TENM3: variants seen among roughly 807,000 people sequenced by gnomAD.
TENM3 encodes the protein teneurin transmembrane protein 3.
A neutral mutation model predicts 255.1 loss-of-function variants in TENM3; 63 were observed. The ratio of observed to expected loss-of-function variants is 0.25; its 90% confidence interval spans 0.20 to 0.30. The LOEUF (loss-of-function observed/expected upper bound fraction) is 0.30, where lower values mean the gene tolerates loss of function less well. TENM3 is among the 10% of genes least tolerant of loss of function. The pLI is 1.00. For synonymous variants in TENM3, 1,306 were observed against 1,322.3 expected, an observed-to-expected ratio of 0.99 and a Z score of 0.27; for missense variants, 2,929 against 3,461.1, an observed-to-expected ratio of 0.85 and a Z score of 3.86.
chr4:182,491,616 T>C (rs983361673), intron 3 of TENM3, among the ~76,000 whole-genome samples: 3 of 152,172 alleles, frequency 2.0e-5, no homozygotes, highest in Non-Finnish European at 4.4e-5. Context: ...TCTTGAAACA[T>C]GGTAGTGAAA....
At chr4:182,074,011 C>T in the TENM3 span, among the ~76,000 whole-genome samples, 32,186 of 152,078 alleles carry the variant, frequency 0.21, 3,979 homozygotes, top group East Asian at 0.29. Context: ...TCTGAATTTT[C>T]GATACTCAAT....
rs546693012 is a variant in TENM3 at position 182,550,739 on chromosome 4, A to AT, written c.512-50176dup. 9.9e-5 allele frequency among the ~76,000 whole-genome samples: 15 copies of AT among 151,282 alleles called. No individual in the cohort carries two copies. In the East Asian group the frequency reaches 2.5e-3, roughly 25 times the overall value. On this transcript the variant is annotated intron_variant, in intron 3 of 27. Transcript: ENST00000511685. Reference sequence around the variant, plus strand: ...TATGAGGTTAAAATAGAAGATGTCTATTTTTTTTTAACCTCAATACTTAAT... The same window carrying AT: ...TATGAGGTTAAAATAGAAGATGTCTATTTTTTTTTTAACCTCAATACTTAAT...
chr4:182,024,255 G>A, the TENM3 span, among the ~76,000 whole-genome samples: 1 of 152,090 alleles, frequency 6.6e-6, no homozygotes, highest in Non-Finnish European at 1.5e-5. Flanking sequence ...TTGTTTACAA[G>A]AAAGTGAAAA....
chr4:182,152,568 A>C (rs1173889495), intron 1 of TENM3, among the ~76,000 whole-genome samples: 5 of 151,970 alleles, frequency 3.3e-5, no homozygotes, highest in African/African-American at 9.6e-5. Flanking sequence ...AGAATATACA[A>C]TCTCTGAATG....
At chr4:181,696,291 C>T in the TENM3 span, among the ~76,000 whole-genome samples, 2 of 152,214 alleles carry the variant, frequency 1.3e-5, no homozygotes, top group East Asian at 3.9e-4. Flanking sequence ...GAAGGCAACA[C>T]GGCTTTCCAT....
the TENM3 span, among the ~76,000 whole-genome samples, chr4:181,760,113 A>T: frequency 6.6e-6 from 1 of 152,172 alleles, no homozygotes; most frequent in Non-Finnish European, 1.5e-5. Context: ...AACAAATTTC[A>T]AAACATAGAG....
chr4:182,715,993 C>T (rs1032745166), intron 13 of TENM3, among the ~76,000 whole-genome samples: 1 of 152,178 alleles, frequency 6.6e-6, no homozygotes, highest in African/African-American at 2.4e-5. Flanking sequence ...GTAGCCTTCA[C>T]AGCTTTTCCT....
At chr4:182,320,072 C>A (rs898754155) in intron 1 of TENM3, among the ~76,000 whole-genome samples, 1 of 151,616 alleles carries the variant, frequency 6.6e-6, no homozygotes, top group East Asian at 1.9e-4. Flanking sequence ...GAGATTGCAC[C>A]AGTGCAATCC....
intron 3 of TENM3, among the ~76,000 whole-genome samples, chr4:182,410,232 G>T (rs1288769570): frequency 6.6e-6 from 1 of 152,194 alleles, no homozygotes; most frequent in Admixed American, 6.5e-5. Flanking sequence ...GGAAAATGTT[G>T]GTAATGAAGA....
At chr4:182,517,414 C>T (rs1325255932) in intron 3 of TENM3, among the ~76,000 whole-genome samples, 6 of 135,986 alleles carry the variant, frequency 4.4e-5, no homozygotes, top group Admixed American at 7.7e-5. Flanking sequence ...GACGGAGTCT[C>T]GCTCTGTCGC....
At chr4:181,682,323 G>T in the TENM3 span, among the ~76,000 whole-genome samples, 2 of 152,002 alleles carry the variant, frequency 1.3e-5, no homozygotes, top group Non-Finnish European at 2.9e-5. Context: ...GTGACAGCAG[G>T]GTTTTTCCAA....
intron 5 of TENM3, among the ~76,000 whole-genome samples, chr4:182,643,653 AG>A (rs2152497607): frequency 6.6e-6 from 1 of 152,318 alleles, no homozygotes; most frequent in South Asian, 2.1e-4. Context: ...TACAAACAAA[AG>A]GCCCCACAAG....
the TENM3 span, among the ~76,000 whole-genome samples, chr4:181,490,957 T>C: frequency 6.6e-6 from 1 of 152,218 alleles, no homozygotes; most frequent in Non-Finnish European, 1.5e-5. Flanking sequence ...AAGCGTAATT[T>C]TGCATTTTGT....
chr4:181,704,792 G>C, the TENM3 span, among the ~76,000 whole-genome samples: 1 of 152,076 alleles, frequency 6.6e-6, no homozygotes. Context: ...CAGCACTTTG[G>C]GGGGCCGAGG....
intron 3 of TENM3, among the ~76,000 whole-genome samples, chr4:182,531,951 G>A (rs774878527): frequency 6.6e-6 from 1 of 152,142 alleles, no homozygotes; most frequent in African/African-American, 2.4e-5. Flanking sequence ...CACCAGCCAC[G>A]GCTAGCCTTG....
At chr4:182,389,381 T>C (rs1768241596) in intron 3 of TENM3, among the ~76,000 whole-genome samples, 3 of 12,500 alleles carry the variant, frequency 2.4e-4, no homozygotes, top group Non-Finnish European at 3.2e-4. Context: ...GTTTGGTAGA[T>C]GGAAAAAAAA....
At chr4:182,379,148 C>T (rs555418071) in intron 3 of TENM3, among the ~76,000 whole-genome samples, 101 of 152,170 alleles carry the variant, frequency 6.6e-4, no homozygotes, top group African/African-American at 2.0e-3. Context: ...GAGGCCGGGG[C>T]GGGCGGATCA....
chr4:182,723,261 A>G (rs1265491915), intron 13 of TENM3, among the ~76,000 whole-genome samples: 3 of 152,208 alleles, frequency 2.0e-5, no homozygotes, highest in Non-Finnish European at 2.9e-5. Flanking sequence ...CAATCCAGAA[A>G]TGAATGCATA....
intron 3 of TENM3, among the ~76,000 whole-genome samples, chr4:182,441,635 C>T (rs1772496072): frequency 6.6e-6 from 1 of 152,162 alleles, no homozygotes; most frequent in African/African-American, 2.4e-5. Context: ...GTAGCTGGGA[C>T]TACAGGCACG....
Sources: allele counts gnomAD v4.1 joint callset (sites outside exome capture counted in the v4.1 genomes callset), GRCh38; gene constraint gnomAD v4.1.1; transcripts MANE v1.5; gene names NCBI Gene and HGNC (gene_info 2026-07-23, HGNC 2026-07-21).